Variants in KLRG1 observed in about 807,000 individuals in gnomAD.
KLRG1 encodes killer cell lectin-like receptor subfamily G member 1.
A neutral mutation model predicts 21.8 loss-of-function variants in KLRG1; 16 were observed. That is an observed-to-expected ratio of 0.73 (90% CI 0.50 to 1.11). KLRG1 has a LOEUF of 1.11. Ranked by LOEUF, KLRG1 falls within the 50% of genes most tolerant of loss-of-function variation. The pLI, the probability that KLRG1 is intolerant of heterozygous loss-of-function variation, is 0.00. For missense variants in KLRG1, 173 were observed against 218.3 expected, an observed-to-expected ratio of 0.79 and a Z score of 1.31; for synonymous variants, 69 against 75.9, an observed-to-expected ratio of 0.91 and a Z score of 0.47.
chr12:9,062,961 T>A, the KLRG1 span, among the ~76,000 whole-genome samples: 2 of 152,086 alleles, frequency 1.3e-5, no homozygotes, highest in African/African-American at 4.8e-5. Context: ...TAAAGTGGCA[T>A]GTCTCAGACA....
At chr12:9,165,280 A>G in the KLRG1 span, 1 of 1,614,162 alleles carries the variant, frequency 6.2e-7, no homozygotes, top group Non-Finnish European at 8.5e-7. Flanking sequence ...TACCAAGTCC[A>G]GCATCTTCGG....
At chr12:9,157,326 G>A in the KLRG1 span, 3 of 1,613,874 alleles carry the variant, frequency 1.9e-6, no homozygotes, top group Admixed American at 3.3e-5. Context: ...CTGACTCCAG[G>A]CAGAACAGGG....
the KLRG1 span, among the ~76,000 whole-genome samples, chr12:9,038,366 T>C: frequency 1.3e-4 from 20 of 152,324 alleles, no homozygotes; most frequent in Non-Finnish European, 5.9e-5. Context: ...CTGCTGTCTA[T>C]AGGTAGAAAT....
At chr12:9,149,008 A>G in the KLRG1 span, 1 of 1,609,818 alleles carries the variant, frequency 6.2e-7, no homozygotes. Flanking sequence ...TGGAGAAAAG[A>G]AAAACGTAAG....
At chr12:9,008,157 G>T (rs752207548) in intron 3 of KLRG1, among the ~76,000 whole-genome samples, 1 of 152,232 alleles carries the variant, frequency 6.6e-6, no homozygotes, top group South Asian at 2.1e-4. Flanking sequence ...CGGAAAATGA[G>T]ACCTCAGTGG....
chr12:9,208,194 A>G, the KLRG1 span: 1 of 1,282,488 alleles, frequency 7.8e-7, no homozygotes, highest in South Asian at 1.2e-5. Context: ...AAAGGAAGGC[A>G]AAGCGAAGAC....
the KLRG1 span, chr12:9,079,700 TA>T: frequency 6.2e-7 from 1 of 1,613,808 alleles, no homozygotes. Context: ...GTGTTTCATT[TA>T]GATAATCCAG....
the KLRG1 span, among the ~76,000 whole-genome samples, chr12:9,019,743 C>A: frequency 6.6e-6 from 1 of 152,110 alleles, no homozygotes; most frequent in Non-Finnish European, 1.5e-5. Context: ...TTTCTGATTT[C>A]TTCCTTTAAA....
the KLRG1 span, among the ~76,000 whole-genome samples, chr12:9,206,409 A>G: frequency 6.6e-6 from 1 of 152,184 alleles, no homozygotes; most frequent in African/African-American, 2.4e-5. Context: ...ATCAGAACAA[A>G]TCCAGGTTGA....
At chr12:9,145,993 A>T in the KLRG1 span, among the ~76,000 whole-genome samples, 21 of 152,168 alleles carry the variant, frequency 1.4e-4, no homozygotes, top group South Asian at 1.0e-3. Context: ...TAATTTAATG[A>T]TTATGTATTT....
At chr12:9,004,211 A>C (rs1947397651) in intron 3 of KLRG1, among the ~76,000 whole-genome samples, 1 of 152,226 alleles carries the variant, frequency 6.6e-6, no homozygotes, top group Admixed American at 6.5e-5. Context: ...TCCTTTGGGA[A>C]TATACCCAGT....
At chr12:9,022,231 A>G in the KLRG1 span, among the ~76,000 whole-genome samples, 1 of 152,194 alleles carries the variant, frequency 6.6e-6, no homozygotes, top group Non-Finnish European at 1.5e-5. Flanking sequence ...TGTATGTGCT[A>G]TACTTTTACG....
At chr12:9,160,149 G>A in the KLRG1 span, 99 of 1,163,572 alleles carry the variant, frequency 8.5e-5, no homozygotes, top group Non-Finnish European at 1.2e-4. Flanking sequence ...CCATAGTTTT[G>A]TGAATGTTAT....
the KLRG1 span, among the ~76,000 whole-genome samples, chr12:9,127,208 G>T: frequency 0.039 from 5,899 of 152,256 alleles, 403 homozygotes; most frequent in African/African-American, 0.13. Context: ...CGTCTGGGTT[G>T]TTCTGTCTAG....
the KLRG1 span, chr12:9,127,864 G>A: frequency 2.3e-5 from 6 of 257,848 alleles, no homozygotes; most frequent in Admixed American, 1.9e-4. Context: ...GGGCCCCGGG[G>A]CCCCGGCAAT....
the KLRG1 span, chr12:9,182,132 G>GAGTGAGACAAAATGGTAATA: frequency 6.4e-7 from 1 of 1,554,326 alleles, no homozygotes; most frequent in Non-Finnish European, 8.7e-7. Flanking sequence ...AACATGGAGA[G>GAGTGAGACAAAATGGTAATA]AGTGAGACAA....
chr12:9,169,385 C>T, the KLRG1 span: 1 of 1,485,524 alleles, frequency 6.7e-7, no homozygotes, highest in East Asian at 2.3e-5. Flanking sequence ...TATTAACATT[C>T]AAAAACTCAC....
At chr12:9,040,881 A>G in the KLRG1 span, among the ~76,000 whole-genome samples, 2 of 152,250 alleles carry the variant, frequency 1.3e-5, no homozygotes, top group Non-Finnish European at 2.9e-5. Flanking sequence ...TAGTTGTTCA[A>G]TGGGAATGTC....
At chr12:9,090,239 G>GA in the KLRG1 span, 2 of 1,518,180 alleles carry the variant, frequency 1.3e-6, no homozygotes, top group South Asian at 1.2e-5. Flanking sequence ...AAAGGCAAAG[G>GA]AAAAAAATCG....
Sources: allele counts gnomAD v4.1 joint callset (sites outside exome capture counted in the v4.1 genomes callset), GRCh38; gene constraint gnomAD v4.1.1; transcripts MANE v1.5; gene names NCBI Gene and HGNC (gene_info 2026-07-23, HGNC 2026-07-21).